NCALD: variants seen among roughly 807,000 people sequenced by gnomAD.
The protein encoded by NCALD is neurocalcin delta.
NCALD carries 10 observed loss-of-function variants against 18.6 expected under a neutral mutation model. The observed-to-expected ratio is 0.54, with a 90% CI of 0.33 to 0.91. NCALD has a LOEUF of 0.91. Among genes scored for constraint, NCALD ranks in the 40% least tolerant of loss-of-function variants. The pLI, the probability that NCALD is intolerant of heterozygous loss-of-function variation, is 0.03. For missense variants in NCALD, 184 were observed against 247.6 expected (o/e 0.74, Z 1.72); for synonymous variants, 88 against 87.4 (o/e 1.01, Z -0.04).
At chr8:101,703,546 AAC>A (rs1815372080) in intron 2 of NCALD, among the ~76,000 whole-genome samples, 1 of 152,172 alleles carries the variant, frequency 6.6e-6, no homozygotes, top group African/African-American at 2.4e-5. Context: ...GACATGAAAC[AAC>A]AGTTTACCAG....
Position 101,883,994 on chromosome 8 carries a change from T to TTC in NCALD, c.-20+3145_-20+3146dup, listed in dbSNP as rs1479079572. Reference sequence around the variant, plus strand: ...TCCTGTTATAAACTACTCATGTTGGTTCATTCATTCATTCTCTACTAAAGT... The same window carrying TTC: ...TCCTGTTATAAACTACTCATGTTGGTTCTCATTCATTCATTCTCTACTAAAGT... On this transcript the variant is annotated intron_variant, in intron 4 of 6. Transcript: ENST00000311028. 2.0e-5 allele frequency among the ~76,000 whole-genome samples: 3 copies of TTC among 152,192 alleles called. No homozygotes were observed. In the East Asian group the frequency reaches 5.8e-4, roughly 29 times the overall value.
At chr8:101,757,658 T>C (rs1336204743) in intron 1 of NCALD, among the ~76,000 whole-genome samples, 1 of 152,194 alleles carries the variant, frequency 6.6e-6, no homozygotes, top group Admixed American at 6.5e-5. Context: ...CAGTTCTAGA[T>C]GGTAGGGTTT....
chr8:101,909,252 G>T (rs1817709381), intron 3 of NCALD, among the ~76,000 whole-genome samples: 1 of 152,144 alleles, frequency 6.6e-6, no homozygotes, highest in African/African-American at 2.4e-5. Flanking sequence ...GACCACATTT[G>T]TTGTAATTTT....
chr8:101,985,497 G>C (rs1432677383), intron 2 of NCALD, among the ~76,000 whole-genome samples: 1 of 152,224 alleles, frequency 6.6e-6, no homozygotes, highest in African/African-American at 2.4e-5. Context: ...TCCTCAGCCA[G>C]TGAGAGGATG....
At chr8:101,938,167 G>T (rs1818830022) in intron 2 of NCALD, among the ~76,000 whole-genome samples, 1 of 152,054 alleles carries the variant, frequency 6.6e-6, no homozygotes, top group Non-Finnish European at 1.5e-5. Flanking sequence ...ATAAGCAATT[G>T]TTTCAAGAAT....
At chr8:101,938,232 T>C (rs1181872582) in intron 2 of NCALD, among the ~76,000 whole-genome samples, 9 of 152,378 alleles carry the variant, frequency 5.9e-5, no homozygotes, top group African/African-American at 1.4e-4. Context: ...CTGGTTGTAA[T>C]GATAAATCAC....
chr8:101,857,787 G>A (rs1815380113), intron 4 of NCALD, among the ~76,000 whole-genome samples: 1 of 152,158 alleles, frequency 6.6e-6, no homozygotes, highest in South Asian at 2.1e-4. Context: ...AATGAATAAG[G>A]TGGCCAACCT....
chr8:101,844,094 C>T (rs115261480), intron 4 of NCALD, among the ~76,000 whole-genome samples: 114 of 152,312 alleles, frequency 7.5e-4, no homozygotes, highest in African/African-American at 2.6e-3. Context: ...GTCCCTATTC[C>T]TGAACATCCT....
intron 1 of NCALD, among the ~76,000 whole-genome samples, chr8:101,722,787 CA>C (rs1816418387): frequency 6.6e-6 from 1 of 152,140 alleles, no homozygotes; most frequent in Non-Finnish European, 1.5e-5. Flanking sequence ...AATTAAACCA[CA>C]TTTACAAATT....
intron 1 of NCALD, among the ~76,000 whole-genome samples, chr8:101,725,808 T>C (rs1351887844): frequency 6.6e-6 from 1 of 152,198 alleles, no homozygotes; most frequent in Non-Finnish European, 1.5e-5. Flanking sequence ...GTGGCACTTA[T>C]AGTCTAGTGG....
At chr8:101,698,886 G>A (rs1321815038) in intron 2 of NCALD, among the ~76,000 whole-genome samples, 4 of 151,990 alleles carry the variant, frequency 2.6e-5, no homozygotes, top group African/African-American at 7.2e-5. Context: ...ACTTTATGAT[G>A]AAAACGCCAA....
chr8:101,816,421 T>C (rs1274731341), intron 4 of NCALD, among the ~76,000 whole-genome samples: 2 of 152,166 alleles, frequency 1.3e-5, no homozygotes, highest in Admixed American at 1.3e-4. Flanking sequence ...AAGAATTCTA[T>C]ACAAACAGGC....
intron 2 of NCALD, among the ~76,000 whole-genome samples, chr8:101,996,808 G>C (rs1821255336): frequency 6.6e-6 from 1 of 152,218 alleles, no homozygotes; most frequent in Non-Finnish European, 1.5e-5. Context: ...CGGTGATTTG[G>C]AAAATAATCC....
intron 2 of NCALD, among the ~76,000 whole-genome samples, chr8:101,708,046 T>C (rs1815614305): frequency 6.6e-6 from 1 of 152,204 alleles, no homozygotes; most frequent in Non-Finnish European, 1.5e-5. Context: ...AGTAACGTGA[T>C]GTCAGCCTTT....
chr8:101,709,320 A>G (rs926998781), intron 2 of NCALD, among the ~76,000 whole-genome samples: 1 of 151,926 alleles, frequency 6.6e-6, no homozygotes, highest in Non-Finnish European at 1.5e-5. Context: ...TCCAGACTCT[A>G]TTTTCCTGCC....
At chr8:101,826,503 A>C (rs573430671) in intron 4 of NCALD, among the ~76,000 whole-genome samples, 6 of 152,246 alleles carry the variant, frequency 3.9e-5, no homozygotes, top group Non-Finnish European at 5.9e-5. Context: ...CATCATGCAT[A>C]GTGTAAACTC....
In NCALD at chr8:101,861,384, C is replaced by T. The variant is rs73696531; in HGVS notation, c.-20+25757G>A. ...TTTCTCAGCTTATATTGGGAGAGAC[C>T]GCTGTGGCTCTAGCTATCAGACCAC... On this transcript the variant is annotated intron_variant, in intron 4 of 6. Coordinates refer to the NCALD transcript ENST00000311028. 9.7e-3 allele frequency among the ~76,000 whole-genome samples: 1,470 copies of T among 151,856 alleles called. 34 individuals are homozygous for T. Among genetic ancestry groups the T allele is most frequent in the African/African-American group, 0.033 (1,370 of 41,410 alleles).
chr8:101,707,071 G>A (rs973534105), intron 2 of NCALD, among the ~76,000 whole-genome samples: 1 of 152,200 alleles, frequency 6.6e-6, no homozygotes, highest in South Asian at 2.1e-4. Context: ...AGGGTTTGGA[G>A]CTGAATTCCC....
intron 1 of NCALD, among the ~76,000 whole-genome samples, chr8:101,765,855 A>G (rs1811326293): frequency 6.6e-6 from 1 of 152,214 alleles, no homozygotes; most frequent in African/African-American, 2.4e-5. Flanking sequence ...TGCTTAGCAT[A>G]CAGATCTCTA....
Sources: gnomAD v4.1 joint callset for allele counts (sites outside exome capture counted in the v4.1 genomes callset) on GRCh38, gnomAD v4.1.1 for gene constraint, MANE v1.5 for transcripts, NCBI Gene and HGNC (gene_info 2026-07-23, HGNC 2026-07-21) for gene names.